Variants in NISCH observed in about 807,000 individuals in gnomAD.
The protein encoded by NISCH is I-1 receptor candidate protein.
NISCH carries 55 observed loss-of-function variants against 138.4 expected under a neutral mutation model. The observed-to-expected ratio is 0.40, with a 90% confidence interval of 0.32 to 0.50. NISCH has a LOEUF of 0.50. NISCH is among the 20% of genes least tolerant of loss of function. The probability of loss-of-function intolerance (pLI) is 0.71; values close to 1 mark genes in which losing one functional copy is unlikely to be tolerated. For synonymous variants in NISCH, 860 were observed against 861.5 expected, an observed-to-expected ratio of 1.00 and a Z score of 0.03; for missense variants, 1,643 against 2,005.5, an observed-to-expected ratio of 0.82 and a Z score of 3.45.
Position 52,480,220 on chromosome 3 carries a change from A to G in NISCH, c.1453A>G (p.Ile485Val), listed in dbSNP as rs1328648002. 4 of 1,613,692 alleles carry G rather than the reference A, an allele frequency of 2.5e-6. No individual in the cohort carries two copies. The highest frequency in any genetic ancestry group is 1.3e-5 in the African/African-American group (1 of 74,876). ...EDSRLSAAPC[I>V]RPSSSPPTVA... is the part of the protein sequence containing the mutation. The stretch of plus-strand genomic sequence containing the variant: ...CTCCCGGCTCTCAGCTGCCCCCTGC[A>G]TCAGACCCAGCAGCTCCCCTCCCAC... Residue 485 changes from isoleucine to valine, a missense_variant, in exon 13 of 21, where the codon ATC becomes GTC. Ile to Val is a conservative substitution (Grantham distance 29). Transcript: ENST00000345716.
In NISCH at chr3:52,473,737, A is replaced by C. The variant is rs141707381; in HGVS notation, c.673A>C (p.Ser225Arg). 7 of 1,590,120 alleles carry C rather than the reference A, an allele frequency of 4.4e-6. No individual in the cohort carries two copies. In the African/African-American group the frequency reaches 9.4e-5, roughly 21 times the overall value. ...ATGCAGCTGTTCTTTGTTCCAGATA[A>C]GTCACTGTGATGCTAAGCACATCAG... Reference protein sequence around the residue: ...IFKSLHQVEISHCDAKHIRGL... With the variant: ...IFKSLHQVEIRHCDAKHIRGL... The change falls in exon 7 of 21, where the codon AGT (serine) becomes CGT (arginine). Residue 225 changes from serine (S) to arginine (R), a missense_variant. By Grantham distance (110) the Ser-to-Arg change is moderately radical. Coordinates refer to ENST00000345716, the MANE Select transcript of NISCH (RefSeq NM_007184.4).
At chr3:52,474,217 G>A (rs902059702) in intron 7 of NISCH, among the ~76,000 whole-genome samples, 3 of 152,112 alleles carry the variant, frequency 2.0e-5, no homozygotes, top group South Asian at 2.1e-4. Flanking sequence ...GGGGTCAAGC[G>A]ATTCTCCTAC....
At chr3:52,480,821 GCCC>G in intron 13 of NISCH, 2 of 1,518,364 alleles carry the variant, frequency 1.3e-6, no homozygotes. Context: ...GGAAGACCAG[GCCC>G]ATTCGTCTGC....
chr3:52,467,513 A>G (rs755470923), intron 3 of NISCH, among the ~76,000 whole-genome samples: 3 of 152,124 alleles, frequency 2.0e-5, no homozygotes, highest in Non-Finnish European at 4.4e-5. Flanking sequence ...CCCATGTGCT[A>G]GGTTTGGGGG....
intron 3 of NISCH, among the ~76,000 whole-genome samples, chr3:52,464,304 A>G (rs1321460348): frequency 6.6e-6 from 1 of 151,856 alleles, no homozygotes; most frequent in Non-Finnish European, 1.5e-5. Context: ...AGGCTGACGC[A>G]CAAGAATGGC....
Position 52,492,460 on chromosome 3 carries a change from T to G in NISCH, c.4493T>G (p.Leu1498Arg). 1 of 1,606,170 alleles carries G rather than the reference T, an allele frequency of 6.2e-7. No homozygotes were observed. The highest frequency in any genetic ancestry group is 8.5e-7 in the Non-Finnish European group (1 of 1,176,628). The change falls in exon 21 of 21, where the codon CTG (leucine) becomes CGG (arginine). Residue 1498 changes from leucine to arginine, a missense_variant. Coordinates refer to ENST00000345716, the MANE Select transcript of NISCH (RefSeq NM_007184.4). Reference sequence around the variant, plus strand: ...TGGGAGGCCCTGTGTGGCCGTGAGCTGCCTGTCGAGCTCACCGGCTAGCCC... The same window carrying G: ...TGGGAGGCCCTGTGTGGCCGTGAGCGGCCTGTCGAGCTCACCGGCTAGCCC... ...RQWEALCGRE[L>R]PVELTG
intron 3 of NISCH, among the ~76,000 whole-genome samples, chr3:52,460,091 G>A (rs1156782433): frequency 7.4e-6 from 1 of 135,294 alleles, no homozygotes; most frequent in Non-Finnish European, 1.5e-5. Flanking sequence ...TGAGGCAGGA[G>A]AATCGCTTGA....
chr3:52,473,538 C>G (rs566029198), intron 6 of NISCH, among the ~76,000 whole-genome samples, 196 bp from the exon 7 acceptor site: 2 of 152,330 alleles, frequency 1.3e-5, no homozygotes, highest in South Asian at 4.1e-4. Flanking sequence ...ACCTTTCTTA[C>G]TAGATACTTC....
chr3:52,473,690 G>A, intron 6 of NISCH, 44 bp from the exon 7 acceptor site: 2 of 1,411,920 alleles, frequency 1.4e-6, no homozygotes, highest in Non-Finnish European at 2.0e-6. Flanking sequence ...ACTTCTGACG[G>A]AGCAAGGATT....
chr3:52,460,211 A>AG, intron 3 of NISCH, among the ~76,000 whole-genome samples: 1 of 150,020 alleles, frequency 6.7e-6, no homozygotes, highest in Non-Finnish European at 1.5e-5. Context: ...AAAAAAAAAA[A>AG]ATCAAAGGGT....
chr3:52,467,899 T>G (rs948923404), intron 3 of NISCH, among the ~76,000 whole-genome samples: 2 of 152,248 alleles, frequency 1.3e-5, no homozygotes, highest in African/African-American at 2.4e-5. Context: ...TAGCTGGGAC[T>G]ACATGCCTAG....
chr3:52,487,625 G>A lies in NISCH; in HGVS notation c.2133G>A (p.Leu711=), dbSNP rs765542972. The change falls in exon 16 of 21, where the codon CTG becomes CTA. Residue 711 remains leucine (L), a synonymous_variant. Coordinates refer to ENST00000345716, the MANE Select transcript of NISCH (RefSeq NM_007184.4). This position sits in a 1 kb window ranked among gnomAD's most constrained non-coding sequence, Gnocchi z 9.1. ...LLEHIRILKV[L]WCFLIHVQGS... is the part of the protein sequence containing the mutation. ...AGCACATCCGCATCCTCAAGGTGCT[G>A]TGGTGCTTCCTGATCCATGTGCAGG... 3 of 1,613,952 alleles carry A rather than the reference G, an allele frequency of 1.9e-6. No individual in the cohort carries two copies. The highest frequency in any genetic ancestry group is 3.3e-5 in the Admixed American group (2 of 60,022).
rs1707361006 is a variant in NISCH, at chr3:52,484,599, G to A, written c.1615G>A (p.Gly539Arg). The A allele has an allele frequency of 1.2e-6, 2 of 1,613,952 alleles. No individual in the cohort carries two copies. Among genetic ancestry groups the A allele is most frequent in the Non-Finnish European group, 1.7e-6 (2 of 1,180,010 alleles). ...TCCCGAGCACCAGCCCATTGCCCAG[G>A]GATGTTCTGATTCCTTGGAGTCCAT... ...LTPEHQPIAQ[G>R]CSDSLESIPA... The change falls in exon 14 of 21, where the codon GGA (glycine) becomes AGA (arginine). Residue 539 changes from glycine (G) to arginine (R), a missense_variant. Transcript: ENST00000345716.
chr3:52,477,785 C>T, intron 9 of NISCH, 143 bp downstream of exon 9: 1 of 701,344 alleles, frequency 1.4e-6, no homozygotes. Context: ...CCCAGCAATG[C>T]ACTGAGTGAT....
intron 3 of NISCH, among the ~76,000 whole-genome samples, chr3:52,463,075 G>A (rs1455055909): frequency 6.6e-6 from 1 of 152,094 alleles, no homozygotes; most frequent in Non-Finnish European, 1.5e-5. Context: ...CATTTCATCA[G>A]CCCAAAAAGG....
At position 52,479,753 on chromosome 3, in the gene NISCH, G is replaced by A. The variant is rs1446234792; in HGVS notation, c.1307G>A (p.Cys436Tyr). ...GCCACTTTCTGGATGCTCTAGGTCT[G>A]TCTGGATGACACAGTGACCACAGAG... The part of the protein sequence containing the change: ...AQFGERASEV[C>Y]LDDTVTTEKE... Residue 436 changes from cysteine to tyrosine, a missense_variant, in exon 12 of 21, where the codon TGT becomes TAT. Transcript: ENST00000345716. The A allele has an allele frequency of 1.2e-6, 2 of 1,612,066 alleles. No homozygotes were observed. The highest frequency in any genetic ancestry group is 1.7e-6 in the Non-Finnish European group (2 of 1,179,010).
Position 52,487,374 on chromosome 3 carries a change from C to G in NISCH, c.1882C>G (p.Arg628Gly). Residue 628 changes from arginine (R) to glycine (G), a missense_variant, in exon 16 of 21, where the codon CGG (arginine) becomes GGG (glycine). Arg to Gly is a moderately radical substitution (Grantham distance 125). Transcript: ENST00000345716. The surrounding 1 kb of genome is among the most constrained non-coding windows in gnomAD (Gnocchi z 9.1). ...TGCCTGGATCGAGGCTGCCAACCAGCGGGAGGAGGGCCAGGGTGAACAGGG... is the reference window on the plus strand; with the variant it reads ...TGCCTGGATCGAGGCTGCCAACCAGGGGGAGGAGGGCCAGGGTGAACAGGG... Reference protein sequence around the residue: ...LPAWIEAANQREEGQGEQGEE... With the variant: ...LPAWIEAANQGEEGQGEQGEE... 6.2e-7 allele frequency: 1 copy of G among 1,613,998 alleles called. No homozygotes were observed. The highest frequency in any genetic ancestry group is 8.5e-7 in the Non-Finnish European group (1 of 1,180,012).
intron 13 of NISCH, among the ~76,000 whole-genome samples, chr3:52,483,105 G>T (rs970192980): frequency 2.6e-5 from 4 of 152,218 alleles, no homozygotes; most frequent in African/African-American, 9.6e-5. Flanking sequence ...CTGGGCAGGT[G>T]CCCAGCGTGG....
chr3:52,462,714 CA>C (rs1706670242), intron 3 of NISCH, among the ~76,000 whole-genome samples: 1 of 152,254 alleles, frequency 6.6e-6, no homozygotes, highest in South Asian at 2.1e-4. Flanking sequence ...CGGCTCACTG[CA>C]ACCTCCACCT....
Sources: allele counts gnomAD v4.1 joint callset (sites outside exome capture counted in the v4.1 genomes callset), GRCh38; gene constraint gnomAD v4.1.1; non-coding constraint Gnocchi (gnomAD v3.1); transcripts MANE v1.5; gene names NCBI Gene and HGNC (gene_info 2026-07-23, HGNC 2026-07-21).